MAGI2: variants seen among roughly 807,000 people sequenced by gnomAD.
The protein encoded by MAGI2 is membrane-associated guanylate kinase, WW and PDZ domain-containing protein 2.
Under a neutral mutation model 133.3 loss-of-function variants are expected in MAGI2, and 35 were observed. That is an observed-to-expected ratio of 0.26 (90% CI 0.20 to 0.35). The LOEUF (loss-of-function observed/expected upper bound fraction) is 0.35. Ranked by LOEUF, MAGI2 falls within the 10% of genes least tolerant of loss-of-function variation. MAGI2 has a pLI of 1.00. For synonymous variants in MAGI2, 729 were observed against 710.6 expected, an observed-to-expected ratio of 1.03 and a Z score of -0.41; for missense variants, 1,636 against 1,863.4, an observed-to-expected ratio of 0.88 and a Z score of 2.25.
At chr7:79,215,012 A>G (rs1315821531) in intron 1 of MAGI2, among the ~76,000 whole-genome samples, 1 of 151,380 alleles carries the variant, frequency 6.6e-6, no homozygotes, top group Admixed American at 6.6e-5. Context: ...TAAACCAAAA[A>G]TAAAATTATA....
At chr7:78,712,802 T>C (rs1395693532) in intron 2 of MAGI2, among the ~76,000 whole-genome samples, 1 of 152,004 alleles carries the variant, frequency 6.6e-6, no homozygotes, top group East Asian at 1.9e-4. Flanking sequence ...TTTAAAGAAT[T>C]GAGAGAAAAG....
At chr7:78,464,258 A>G (rs1405699981) in intron 6 of MAGI2, among the ~76,000 whole-genome samples, 1 of 152,096 alleles carries the variant, frequency 6.6e-6, no homozygotes, top group Non-Finnish European at 1.5e-5. Flanking sequence ...ACCCACTTCT[A>G]TTTAGCTTCT....
intron 2 of MAGI2, among the ~76,000 whole-genome samples, chr7:78,677,580 C>G (rs118165420): frequency 0.012 from 1,897 of 151,956 alleles, 19 homozygotes; most frequent in Non-Finnish European, 0.02. Flanking sequence ...ATGTCTAAGG[C>G]ATTACATGCA....
intron 20 of MAGI2, among the ~76,000 whole-genome samples, chr7:78,124,332 C>G (rs1443754292): frequency 6.6e-6 from 1 of 152,176 alleles, no homozygotes; most frequent in East Asian, 1.9e-4. Context: ...GAGGCTGGTG[C>G]TAGATCACGG....
chr7:78,750,045 C>T (rs558283351), intron 2 of MAGI2, among the ~76,000 whole-genome samples: 63 of 152,184 alleles, frequency 4.1e-4, no homozygotes, highest in Non-Finnish European at 5.7e-4. Context: ...CCCCCAACCC[C>T]GACAGGCCCT....
At chr7:78,109,846 G>A (rs1409552583) in intron 20 of MAGI2, among the ~76,000 whole-genome samples, 1 of 152,100 alleles carries the variant, frequency 6.6e-6, no homozygotes, top group African/African-American at 2.4e-5. Flanking sequence ...CAAAGACAAG[G>A]GTCTGTATTG....
chr7:78,345,637 C>T (rs896537728), intron 8 of MAGI2: 12 of 356,110 alleles, frequency 3.4e-5, no homozygotes, highest in Admixed American at 1.3e-4. Context: ...TTATGAGTCT[C>T]TATGAATCTC....
intron 1 of MAGI2, among the ~76,000 whole-genome samples, chr7:79,419,277 A>G (rs10214949): frequency 0.24 from 35,809 of 151,930 alleles, 5,924 homozygotes; most frequent in African/African-American, 0.47. Flanking sequence ...TCACTATCAC[A>G]CTTAACCAAC....
chr7:78,204,243 G>A (rs565414138), intron 10 of MAGI2, among the ~76,000 whole-genome samples: 6 of 152,124 alleles, frequency 3.9e-5, no homozygotes, highest in African/African-American at 7.2e-5. Context: ...GCTAAATTTC[G>A]CCTTTGCTGC....
intron 21 of MAGI2, among the ~76,000 whole-genome samples, chr7:78,074,238 T>C (rs1443364218): frequency 1.3e-5 from 2 of 152,174 alleles, no homozygotes; most frequent in African/African-American, 4.8e-5. Flanking sequence ...CCCAGCTCAC[T>C]TGGAGTCATG....
chr7:78,125,969 A>G, intron 19 of MAGI2, 132 bp from the exon 20 acceptor site: 1 of 955,300 alleles, frequency 1.0e-6, no homozygotes, highest in Non-Finnish European at 1.5e-6. Context: ...GAGAAGTCGT[A>G]ATCTGGCTTC....
intron 16 of MAGI2, among the ~76,000 whole-genome samples, chr7:78,154,852 G>A (rs936019677): frequency 6.6e-6 from 1 of 152,132 alleles, no homozygotes; most frequent in African/African-American, 2.4e-5. Context: ...CTTGGGTTTT[G>A]AGTAGGGAGG....
At chr7:79,268,226 T>C (rs1834623932) in intron 1 of MAGI2, among the ~76,000 whole-genome samples, 1 of 152,150 alleles carries the variant, frequency 6.6e-6, no homozygotes, top group South Asian at 2.1e-4. Flanking sequence ...CATGCCAGAA[T>C]GCCATACTTT....
At chr7:78,232,073 G>A (rs1456297754) in intron 10 of MAGI2, among the ~76,000 whole-genome samples, 1 of 151,848 alleles carries the variant, frequency 6.6e-6, no homozygotes, top group Non-Finnish European at 1.5e-5. Context: ...AACCACACAG[G>A]CAAAAAAGCA....
intron 1 of MAGI2, among the ~76,000 whole-genome samples, chr7:79,240,072 G>A (rs1832269191): frequency 6.6e-6 from 1 of 152,220 alleles, no homozygotes; most frequent in Admixed American, 6.5e-5. Context: ...TTGCTGCAAG[G>A]AGAAATAAAC....
chr7:78,569,461 T>C (rs946231498), intron 3 of MAGI2, among the ~76,000 whole-genome samples: 20 of 152,206 alleles, frequency 1.3e-4, no homozygotes, highest in Non-Finnish European at 2.5e-4. Flanking sequence ...ATCTCTAGCT[T>C]CAAAATGCAC....
chr7:79,011,724 T>A (rs547012825), intron 1 of MAGI2, among the ~76,000 whole-genome samples: 49 of 152,322 alleles, frequency 3.2e-4, no homozygotes, highest in East Asian at 1.5e-3. Context: ...ACTACTCTAA[T>A]GTTCTAATCA....
intron 18 of MAGI2, among the ~76,000 whole-genome samples, chr7:78,130,976 A>T (rs970901746): frequency 6.6e-6 from 1 of 152,214 alleles, no homozygotes; most frequent in Non-Finnish European, 1.5e-5. Flanking sequence ...CACACCAGGG[A>T]TGAGCTCACC....
chr7:78,781,380 C>CAAAAAAA (rs748533885), intron 2 of MAGI2, among the ~76,000 whole-genome samples: 8 of 100,986 alleles, frequency 7.9e-5, no homozygotes, highest in East Asian at 2.8e-4. Flanking sequence ...CTCCGTCTCA[C>CAAAAAAA]AAAAAAAAAA....
Sources: allele counts gnomAD v4.1 joint callset (sites outside exome capture counted in the v4.1 genomes callset), GRCh38; gene constraint gnomAD v4.1.1; transcripts MANE v1.5; gene names NCBI Gene and HGNC (gene_info 2026-07-23, HGNC 2026-07-21).